The following SYNCRIP variants were observed in gnomAD, a reference collection of about 807,000 sequenced individuals.
The protein encoded by SYNCRIP is synaptotagmin binding cytoplasmic RNA interacting protein, also known as heterogeneous nuclear ribonucleoprotein Q.
In SYNCRIP, 9 loss-of-function variants were observed where a neutral mutation model predicts 68.9. The ratio of observed to expected loss-of-function variants is 0.13; its 90% confidence interval spans 0.08 to 0.23. The LOEUF (loss-of-function observed/expected upper bound fraction) is 0.23, where lower values mean the gene tolerates loss of function less well. Among genes scored for constraint, SYNCRIP ranks in the 10% least tolerant of loss-of-function variants. The probability of loss-of-function intolerance (pLI) is 1.00; values close to 1 mark genes in which losing one functional copy is unlikely to be tolerated. For synonymous variants in SYNCRIP, 258 were observed against 254.0 expected, an observed-to-expected ratio of 1.02 and a Z score of -0.15; for missense variants, 414 against 770.6, an observed-to-expected ratio of 0.54 and a Z score of 5.48.
rs766687315 is a variant in SYNCRIP at position 85,637,173 on chromosome 6, G to T, written c.490-30C>A. The T allele has an allele frequency of 5.6e-6, 9 of 1,606,486 alleles. No homozygotes were observed. In the Admixed American group the frequency reaches 1.2e-4, roughly 21 times the overall value. On this transcript the variant is annotated intron_variant, in intron 5 of 10. Transcript: ENST00000369622. ...AAATTAAATATTAAGTAAAAACCAT[G>T]GAGAATTGCTTTAGGAAACCAGATA...
At chr6:85,625,073 A>G (rs1329596744) in intron 6 of SYNCRIP, among the ~76,000 whole-genome samples, 1 of 152,190 alleles carries the variant, frequency 6.6e-6, no homozygotes, top group Non-Finnish European at 1.5e-5. Flanking sequence ...TGCTAGGTAC[A>G]CCGGGTATAA....
rs764223549 is a variant in SYNCRIP at position 85,637,300 on chromosome 6, A to G, written c.432T>C (p.Tyr144=). 1.9e-6 allele frequency: 3 copies of G among 1,614,176 alleles called. No individual in the cohort carries two copies. The highest frequency in any genetic ancestry group is 2.5e-6 in the Non-Finnish European group (3 of 1,180,028). The part of the protein sequence containing the change: ...TLDVTTGQRK[Y]GGPPPDSVYS... Reference sequence around the variant, plus strand: ...AAACGGAATCTGGAGGTGGTCCTCCATACTTCCTCTGTCCAGTGGTCACAT... The same window carrying G: ...AAACGGAATCTGGAGGTGGTCCTCCGTACTTCCTCTGTCCAGTGGTCACAT... The change falls in exon 5 of 11, where the codon TAT becomes TAC. Residue 144 remains tyrosine, a synonymous_variant. Coordinates refer to ENST00000369622, the MANE Select transcript of SYNCRIP (RefSeq NM_006372.5).
At chr6:85,609,845 C>CT (rs1266954888), downstream of SYNCRIP, 1 of 151,866 alleles carries the variant, frequency 6.6e-6, no homozygotes, top group Non-Finnish European at 1.5e-5. Context: ...ATTTAAGACC[C>CT]TTTCCTTGAC....
intron 8 of SYNCRIP, 142 bp downstream of exon 8, chr6:85,622,340 G>T: frequency 1.2e-6 from 1 of 822,770 alleles, no homozygotes; most frequent in Non-Finnish European, 1.9e-6. Context: ...TGGCACTCCA[G>T]CCTGGGAAAC....
chr6:85,636,895 G>A (rs1037694245), intron 6 of SYNCRIP, 72 bp downstream of exon 6: 2 of 1,422,458 alleles, frequency 1.4e-6, no homozygotes, highest in South Asian at 1.4e-5. Flanking sequence ...AAACTCTTAG[G>A]CACACTAAGA....
chr6:85,626,216 T>C (rs1009092979), intron 6 of SYNCRIP, among the ~76,000 whole-genome samples: 2 of 152,232 alleles, frequency 1.3e-5, no homozygotes, highest in Non-Finnish European at 1.5e-5. Flanking sequence ...ATGCCTTATT[T>C]TGCAAGTAAA....
intron 6 of SYNCRIP, among the ~76,000 whole-genome samples, chr6:85,628,112 G>C (rs935457483): frequency 6.6e-6 from 1 of 151,990 alleles, no homozygotes; most frequent in African/African-American, 2.4e-5. Context: ...ATGGAGTACA[G>C]TGACGCGACT....
intron 7 of SYNCRIP, 141 bp from the exon 8 acceptor site, chr6:85,622,828 C>G (rs922901590): frequency 3.7e-5 from 25 of 681,138 alleles, no homozygotes; most frequent in Non-Finnish European, 5.9e-5. Context: ...TTATAAAAGA[C>G]TATCAAAAAC....
At chr6:85,640,615 T>C (rs1809013487) in intron 2 of SYNCRIP, 51 bp from the exon 3 acceptor site, 22 of 1,183,334 alleles carry the variant, frequency 1.9e-5, no homozygotes, top group South Asian at 3.1e-5. Flanking sequence ...AAAGATTTTT[T>C]AGAGAAGACT....
In SYNCRIP at chr6:85,640,584, T is replaced by A. The variant is rs201127062; in HGVS notation, c.149-20A>T. On this transcript the variant is annotated intron_variant, in intron 2 of 10. Transcript: ENST00000369622. Reference sequence around the variant, plus strand: ...CTAGCCCTGAAAAAAATAAAAGTTATCAGCTTTTAATATTTTTAGAAAAGA... The same window carrying A: ...CTAGCCCTGAAAAAAATAAAAGTTAACAGCTTTTAATATTTTTAGAAAAGA... The A allele has an allele frequency of 7.5e-6, 11 of 1,463,650 alleles. No individual in the cohort carries two copies. The South Asian group carries it at 1.1e-4, about 15-fold the overall frequency. 90.7% of individuals were successfully genotyped at this position (1,463,650 alleles called of 1,614,324 possible). A position where few individuals can be genotyped will look rare whatever the true frequency, so the allele number is the denominator to read the frequency against.
At chr6:85,629,981 CA>C (rs71551492) in intron 6 of SYNCRIP, among the ~76,000 whole-genome samples, 1,494 of 120,054 alleles carry the variant, frequency 0.012, 15 homozygotes, top group African/African-American at 0.034. Flanking sequence ...GGATTTGTCT[CA>C]AAAAAAAAAA....
intron 6 of SYNCRIP, among the ~76,000 whole-genome samples, chr6:85,636,091 G>A (rs986721541): frequency 9.2e-5 from 14 of 152,136 alleles, no homozygotes; most frequent in Admixed American, 2.0e-4. Context: ...AACCACTTCT[G>A]TCACAGAACT....
chr6:85,633,678 ATTT>A (rs796961110), intron 6 of SYNCRIP, among the ~76,000 whole-genome samples: 1 of 150,976 alleles, frequency 6.6e-6, no homozygotes, highest in Non-Finnish European at 1.5e-5. Flanking sequence ...ACCATTGGAA[ATTT>A]TTTTTTTCCC....
chr6:85,626,688 AGAG>A (rs1273244614), intron 6 of SYNCRIP, among the ~76,000 whole-genome samples: 1 of 152,230 alleles, frequency 6.6e-6, no homozygotes, highest in African/African-American at 2.4e-5. Context: ...AAAGAAATAT[AGAG>A]AAGACAGCTA....
intron 8 of SYNCRIP, among the ~76,000 whole-genome samples, chr6:85,622,004 G>GT (rs1441620920): frequency 6.6e-6 from 1 of 152,088 alleles, no homozygotes; most frequent in Admixed American, 6.5e-5. Flanking sequence ...CAGGCACATG[G>GT]TATTTCCAGT....
At chr6:85,637,601 T>G (rs1808605997) in intron 4 of SYNCRIP, among the ~76,000 whole-genome samples, 1 of 152,240 alleles carries the variant, frequency 6.6e-6, no homozygotes, top group African/African-American at 2.4e-5. Flanking sequence ...TACTGAATAG[T>G]GTGCTTAATG....
chr6:85,642,366 G>T (rs1583329467), intron 1 of SYNCRIP, among the ~76,000 whole-genome samples: 1 of 152,242 alleles, frequency 6.6e-6, no homozygotes, highest in South Asian at 2.1e-4. Flanking sequence ...TGACTGCGAC[G>T]CCTGCCCGGC....
chr6:85,633,122 G>A (rs1808009688), intron 6 of SYNCRIP, among the ~76,000 whole-genome samples: 1 of 151,878 alleles, frequency 6.6e-6, no homozygotes, highest in African/African-American at 2.4e-5. Flanking sequence ...TGGGTGTGGT[G>A]GTGGGTGCCT....
chr6:85,626,699 C>T (rs1309610995), intron 6 of SYNCRIP, among the ~76,000 whole-genome samples: 1 of 152,146 alleles, frequency 6.6e-6, no homozygotes, highest in East Asian at 1.9e-4. Flanking sequence ...GAGAAGACAG[C>T]TAATCTGTAA....
Sources: gnomAD v4.1 joint callset for allele counts (sites outside exome capture counted in the v4.1 genomes callset) on GRCh38, gnomAD v4.1.1 for gene constraint, MANE v1.5 for transcripts, NCBI Gene and HGNC (gene_info 2026-07-23, HGNC 2026-07-21) for gene names.